The following HS6ST3 variants were observed in gnomAD, a reference collection of about 807,000 sequenced individuals.
The protein encoded by HS6ST3 is heparan sulfate 6-O-sulfotransferase 3.
In HS6ST3, 12 loss-of-function variants were observed where a neutral mutation model predicts 36.7. The observed-to-expected ratio is 0.33, with a 90% CI of 0.21 to 0.53. The LOEUF is 0.53. Ranked by LOEUF, HS6ST3 falls within the 20% of genes least tolerant of loss-of-function variation. The pLI is 0.95. For missense variants in HS6ST3, 584 were observed against 640.9 expected, an observed-to-expected ratio of 0.91 and a Z score of 0.96; for synonymous variants, 240 against 257.5, an observed-to-expected ratio of 0.93 and a Z score of 0.65.
intron 1 of HS6ST3, among the ~76,000 whole-genome samples, chr13:96,241,812 G>T: frequency 7.0e-6 from 1 of 143,464 alleles, no homozygotes. Context: ...TTGAGATGGA[G>T]TCTGGCTCTG....
intron 1 of HS6ST3, among the ~76,000 whole-genome samples, chr13:96,484,018 A>G (rs537200090): frequency 3.9e-5 from 6 of 152,192 alleles, no homozygotes; most frequent in Admixed American, 1.3e-4. Flanking sequence ...TCCTTCATGT[A>G]TTGTCTTTGC....
intron 1 of HS6ST3, among the ~76,000 whole-genome samples, chr13:96,122,149 T>G (rs1298325467): frequency 3.0e-5 from 4 of 132,582 alleles, no homozygotes; most frequent in East Asian, 4.3e-4. Flanking sequence ...ATTATTATTA[T>G]TTGCTATTTT....
Position 96,527,557 on chromosome 13 carries a change from G to T in HS6ST3, c.708-304933G>T, listed in dbSNP as rs561435210. Among the ~76,000 whole-genome samples, 11 of 152,272 alleles carry T rather than the reference G, an allele frequency of 7.2e-5. No homozygotes were observed. In the South Asian group the frequency reaches 2.1e-3, roughly 29 times the overall value. ...GAGCAGAGTACGAGAATTTCCTGAG[G>T]CTCTGCTGGGAAAGACAGAGCCTCT... On this transcript the variant is annotated intron_variant, in intron 1 of 1. Transcript: ENST00000376705.
intron 1 of HS6ST3, among the ~76,000 whole-genome samples, chr13:96,158,212 G>A (rs893761993): frequency 1.8e-4 from 28 of 152,128 alleles, no homozygotes; most frequent in Admixed American, 5.9e-4. Context: ...TAGATGGGTC[G>A]CCTGGCTGTG....
chr13:96,341,027 G>A (rs2055127603), intron 1 of HS6ST3, among the ~76,000 whole-genome samples: 1 of 152,122 alleles, frequency 6.6e-6, no homozygotes, highest in Non-Finnish European at 1.5e-5. Context: ...AGGGAAGATG[G>A]CATACATTTG....
chr13:96,178,932 A>C (rs1452495772), intron 1 of HS6ST3, among the ~76,000 whole-genome samples: 1 of 152,218 alleles, frequency 6.6e-6, no homozygotes, highest in Non-Finnish European at 1.5e-5. Context: ...AACCTGAATT[A>C]CATTGGCATT....
chr13:96,450,670 T>G (rs2055723270), intron 1 of HS6ST3, among the ~76,000 whole-genome samples: 1 of 152,210 alleles, frequency 6.6e-6, no homozygotes, highest in Non-Finnish European at 1.5e-5. Flanking sequence ...CTAACTTGCC[T>G]ATAGAAACTG....
Position 96,538,562 on chromosome 13 carries a change from G to A in HS6ST3, c.708-293928G>A, listed in dbSNP as rs377336236. On this transcript the variant is annotated intron_variant, in intron 1 of 1. Transcript: ENST00000376705. ...GGGTTCAGGTGATTCTCATGCCTTG[G>A]CCTCCTGAGTAGCTGGGACTGCAGG... 3.3e-5 allele frequency among the ~76,000 whole-genome samples: 5 copies of A among 152,318 alleles called. No homozygotes were observed. In the South Asian group the frequency reaches 1.0e-3, roughly 32 times the overall value.
chr13:96,383,727 A>G lies in HS6ST3; in HGVS notation c.707+292158A>G, dbSNP rs1303999987. ...AGGGGACCCCCTCAAAGTGGGGGGG[A>G]CATAGAGGAAGGGGTTAGTTTTCAA... On this transcript the variant is annotated intron_variant, in intron 1 of 1. Transcript: ENST00000376705. Among the ~76,000 whole-genome samples the G allele has an allele frequency of 3.4e-5, 5 of 148,408 alleles. No homozygotes were observed. In the East Asian group the frequency reaches 8.0e-4, roughly 24 times the overall value.
intron 1 of HS6ST3, among the ~76,000 whole-genome samples, chr13:96,578,113 C>T (rs1407996033): frequency 2.0e-5 from 3 of 152,168 alleles, no homozygotes; most frequent in African/African-American, 4.8e-5. Flanking sequence ...CCTTCCTCCC[C>T]GCACATTCCC....
intron 1 of HS6ST3, among the ~76,000 whole-genome samples, chr13:96,227,294 C>T (rs1010308033): frequency 6.6e-6 from 1 of 152,162 alleles, no homozygotes; most frequent in Non-Finnish European, 1.5e-5. Flanking sequence ...TTCATCTGGC[C>T]TCTAAAACAG....
intron 1 of HS6ST3, among the ~76,000 whole-genome samples, chr13:96,119,071 C>G (rs116222665): frequency 0.017 from 2,563 of 152,148 alleles, 57 homozygotes; most frequent in African/African-American, 0.059. Context: ...AGATGAATAG[C>G]TTATGTTACT....
chr13:96,792,719 G>T (rs578206261), intron 1 of HS6ST3, among the ~76,000 whole-genome samples: 12 of 152,124 alleles, frequency 7.9e-5, no homozygotes, highest in Admixed American at 2.6e-4. Flanking sequence ...TGCAGTAGGG[G>T]AAGTTTTCCT....
chr13:96,266,866 C>T (rs1213575597), intron 1 of HS6ST3, among the ~76,000 whole-genome samples: 1 of 152,140 alleles, frequency 6.6e-6, no homozygotes, highest in Non-Finnish European at 1.5e-5. Flanking sequence ...GTACCTGCCT[C>T]CAAGGAATGG....
Position 96,583,204 on chromosome 13 carries a change from C to CTTTTTTTTTTTTTTTTTTTTTT in HS6ST3, c.708-249280_708-249259dup, listed in dbSNP as rs71292889. On this transcript the variant is annotated intron_variant, in intron 1 of 1. Transcript: ENST00000376705. Reference sequence around the variant, plus strand: ...AATGGCTTCAATTTCTTTTTCTTTTCTTTTTTTTTTTTTTTTTTTTTTTTT... The same window carrying CTTTTTTTTTTTTTTTTTTTTTT: ...AATGGCTTCAATTTCTTTTTCTTTTCTTTTTTTTTTTTTTTTTTTTTTTTTTTTTTTTTTTTTTTTTTTTTTT... Among the ~76,000 whole-genome samples the CTTTTTTTTTTTTTTTTTTTTTT allele has an allele frequency of 1.1e-3, 58 of 52,932 alleles. 20 individuals are homozygous for CTTTTTTTTTTTTTTTTTTTTTT. The highest frequency in any genetic ancestry group is 6.2e-3 in the East Asian group (9 of 1,460). The allele number at this position is 52,932 out of a possible 152,430, so 34.7% of individuals were successfully genotyped here.
intron 1 of HS6ST3, among the ~76,000 whole-genome samples, chr13:96,236,472 C>G (rs1243373942): frequency 6.6e-6 from 1 of 152,022 alleles, no homozygotes; most frequent in Non-Finnish European, 1.5e-5. Context: ...CATTCCTCAC[C>G]TCTGCCACTC....
At chr13:96,680,544 A>G (rs1374970246) in intron 1 of HS6ST3, among the ~76,000 whole-genome samples, 2 of 152,134 alleles carry the variant, frequency 1.3e-5, no homozygotes, top group Non-Finnish European at 2.9e-5. Context: ...TCACACAAGT[A>G]TGGTAAACTA....
At chr13:96,781,584 A>G (rs1877529172) in intron 1 of HS6ST3, among the ~76,000 whole-genome samples, 1 of 152,210 alleles carries the variant, frequency 6.6e-6, no homozygotes. Context: ...TTGAAAAGGC[A>G]TGTACTATAA....
intron 1 of HS6ST3, among the ~76,000 whole-genome samples, chr13:96,474,190 C>G (rs981794559): frequency 5.3e-5 from 8 of 152,136 alleles, no homozygotes; most frequent in Non-Finnish European, 1.2e-4. Context: ...TTGGACACAT[C>G]TTAATGTTAC....
Sources: gnomAD v4.1 joint callset for allele counts (sites outside exome capture counted in the v4.1 genomes callset) on GRCh38, gnomAD v4.1.1 for gene constraint, MANE v1.5 for transcripts, NCBI Gene and HGNC (gene_info 2026-07-23, HGNC 2026-07-21) for gene names.